FADS3: variants seen among roughly 807,000 people sequenced by gnomAD.
FADS3 encodes the protein cytochrome b5-related protein.
FADS3 carries 30 observed loss-of-function variants against 60.4 expected under a neutral mutation model. That is an observed-to-expected ratio of 0.50 (90% CI 0.37 to 0.67). The LOEUF (loss-of-function observed/expected upper bound fraction) is 0.67, where lower values mean the gene tolerates loss of function less well. FADS3 is among the 30% of genes least tolerant of loss of function. The probability of loss-of-function intolerance (pLI) is 0.00; values close to 1 mark genes in which losing one functional copy is unlikely to be tolerated. For missense variants in FADS3, 432 were observed against 598.3 expected (o/e 0.72, Z 2.90); for synonymous variants, 234 against 249.3 (o/e 0.94, Z 0.58).
chr11:61,887,131 A>C (rs868115139), intron 1 of FADS3, among the ~76,000 whole-genome samples: 8 of 152,400 alleles, frequency 5.2e-5, no homozygotes, highest in Middle Eastern at 3.4e-3. Context: ...GGACAAAAGC[A>C]TTCTCATCCT....
chr11:61,888,905 G>C (rs1938401156), intron 1 of FADS3, among the ~76,000 whole-genome samples: 1 of 152,158 alleles, frequency 6.6e-6, no homozygotes, highest in Non-Finnish European at 1.5e-5. Context: ...TTTTTTGTTT[G>C]TTTGTTTGAG....
intron 1 of FADS3, among the ~76,000 whole-genome samples, chr11:61,887,466 C>T (rs1938355603): frequency 6.6e-6 from 1 of 152,208 alleles, no homozygotes; most frequent in African/African-American, 2.4e-5. Flanking sequence ...CCCTGCTGTG[C>T]TCTCTGGGGC....
In FADS3 at chr11:61,879,476, G is replaced by A; in HGVS notation, c.358C>T (p.Gln120Ter). ...AACAGCTTCATGTCCTCGGCTGCCT[G>A]GTGCAGGGCTCGGAAGTCCTCGACC... ...QLVEDFRALHQAAEDMKLFDA... is the reference protein window; with the variant it reads ...QLVEDFRALH Residue 120 changes from glutamine (Q) to a stop codon, truncating the protein, a stop_gained, in exon 3 of 12, where the codon CAG (glutamine) becomes TAG (stop). Coordinates refer to ENST00000278829, the MANE Select transcript of FADS3 (RefSeq NM_021727.5). LOFTEE classifies it high-confidence loss of function. The A allele has an allele frequency of 6.2e-7, 1 of 1,601,002 alleles. No homozygotes were observed. Among genetic ancestry groups the A allele is most frequent in the Non-Finnish European group, 8.5e-7 (1 of 1,175,318 alleles).
chr11:61,886,421 G>C (rs934936447), intron 1 of FADS3: 5 of 152,302 alleles, frequency 3.3e-5, no homozygotes, highest in Admixed American at 2.0e-4. Flanking sequence ...CTGGGTGGGC[G>C]GTGGCCTTGC....
chr11:61,881,269 G>C (rs1197435578), intron 1 of FADS3: 1 of 152,264 alleles, frequency 6.6e-6, no homozygotes, highest in Non-Finnish European at 1.5e-5. Flanking sequence ...TAAAGAAAGG[G>C]GGTGAGAAGA....
chr11:61,878,068 G>A, intron 6 of FADS3, 87 bp downstream of exon 6: 1 of 1,201,702 alleles, frequency 8.3e-7, no homozygotes, highest in South Asian at 1.2e-5. Context: ...CCCGCCCCAG[G>A]AAGTGGCTGG....
At position 61,879,473 on chromosome 11, in the gene FADS3, C is replaced by A; in HGVS notation, c.361G>T (p.Ala121Ser). ...TCAAACAGCTTCATGTCCTCGGCTG[C>A]CTGGTGCAGGGCTCGGAAGTCCTCG... ...LVEDFRALHQAAEDMKLFDAS... is the reference protein window; with the variant it reads ...LVEDFRALHQSAEDMKLFDAS... The change falls in exon 3 of 12, where the codon GCA becomes TCA. Residue 121 changes from alanine to serine, a missense_variant. Transcript: ENST00000278829. 1 of 1,602,036 alleles carries A rather than the reference C, an allele frequency of 6.2e-7. No individual in the cohort carries two copies. Among genetic ancestry groups the A allele is most frequent in the Non-Finnish European group, 8.5e-7 (1 of 1,175,686 alleles).
intron 2 of FADS3, 65 bp downstream of exon 2, chr11:61,879,976 G>C: frequency 7.4e-7 from 1 of 1,356,332 alleles, no homozygotes; most frequent in African/African-American, 1.4e-5. Context: ...ATGTGGCAAT[G>C]TCTCCCAGCC....
At chr11:61,891,685 G>C (rs1483073775), upstream of FADS3, among the ~76,000 whole-genome samples, 1 of 151,614 alleles carries the variant, frequency 6.6e-6, no homozygotes, top group African/African-American at 2.4e-5. Context: ...GCGGGGCCTC[G>C]GTCTCCATTG....
At position 61,883,778 on chromosome 11, in the gene FADS3, C is replaced by T. The variant is rs185397841; in HGVS notation, c.214-3627G>A. Among the ~76,000 whole-genome samples the T allele has an allele frequency of 9.2e-5, 14 of 152,300 alleles. No individual in the cohort carries two copies. The East Asian group carries it at 1.4e-3, about 15-fold the overall frequency. ...CCTGATTCACCCAGGCCAGCCCTGT[C>T]GAGGCACTGACAGGGGAGGACAGAA... On this transcript the variant is annotated intron_variant, in intron 1 of 11. Coordinates refer to ENST00000278829, the MANE Select transcript of FADS3 (RefSeq NM_021727.5).
intron 1 of FADS3, 59 bp downstream of exon 1, chr11:61,891,110 C>T (rs1938490950): frequency 7.0e-7 from 1 of 1,418,832 alleles, no homozygotes. Flanking sequence ...GGACATCACG[C>T]CCACGACCGA....
At chr11:61,888,046 T>A (rs1938373033) in intron 1 of FADS3, among the ~76,000 whole-genome samples, 1 of 152,238 alleles carries the variant, frequency 6.6e-6, no homozygotes, top group African/African-American at 2.4e-5. Context: ...ACATGGCCCT[T>A]ATATACTTAT....
chr11:61,890,993 C>A (rs554738828), intron 1 of FADS3, among the ~76,000 whole-genome samples, 176 bp downstream of exon 1: 8 of 152,346 alleles, frequency 5.3e-5, no homozygotes, highest in African/African-American at 1.9e-4. Flanking sequence ...AACTGCCCTC[C>A]CTACCCCACA....
At chr11:61,882,098 G>GTTTTTT (rs10585384) in intron 1 of FADS3, 3 of 37,980 alleles carry the variant, frequency 7.9e-5, no homozygotes, top group African/African-American at 3.0e-4. Flanking sequence ...CCCACTGGGT[G>GTTTTTT]TTTTTTTTTT....
upstream of FADS3, chr11:61,891,572 A>C: frequency 3.9e-6 from 1 of 258,958 alleles, no homozygotes; most frequent in Non-Finnish European, 7.0e-6. Context: ...CCCGCCTTAT[A>C]ACCGCGCGGA....
chr11:61,879,534 G>T, intron 2 of FADS3, 25 bp from the exon 3 acceptor site: 1 of 1,571,036 alleles, frequency 6.4e-7, no homozygotes, highest in South Asian at 1.2e-5. Flanking sequence ...GGGCCGATCA[G>T]CCAAGGAAGA....
chr11:61,878,985 C>G (rs977495951), intron 3 of FADS3, 138 bp from the exon 4 acceptor site: 16 of 713,262 alleles, frequency 2.2e-5, no homozygotes, highest in Admixed American at 5.7e-5. Context: ...CCAGTGTCCT[C>G]TTTTTACAGA....
intron 11 of FADS3, 83 bp from the exon 12 acceptor site, chr11:61,873,948 T>G: frequency 1.1e-6 from 1 of 896,284 alleles, no homozygotes; most frequent in Admixed American, 2.2e-5. Flanking sequence ...CCATGGTAAG[T>G]GTGAGCGGAG....
intron 1 of FADS3, among the ~76,000 whole-genome samples, chr11:61,884,426 T>C (rs1938239897): frequency 6.6e-6 from 1 of 152,154 alleles, no homozygotes; most frequent in Non-Finnish European, 1.5e-5. Flanking sequence ...TGTATACCTA[T>C]GTAACAAACC....
Sources: gnomAD v4.1 joint callset for allele counts (sites outside exome capture counted in the v4.1 genomes callset) on GRCh38, gnomAD v4.1.1 for gene constraint, MANE v1.5 for transcripts, NCBI Gene and HGNC (gene_info 2026-07-23, HGNC 2026-07-21) for gene names.